ITGA1: variants seen among roughly 807,000 people sequenced by gnomAD.
ITGA1 encodes the protein integrin subunit alpha 1, also known as integrin alpha-1.
In ITGA1, 85 loss-of-function variants were observed where a neutral mutation model predicts 145.9. The ratio of observed to expected loss-of-function variants is 0.58; its 90% confidence interval spans 0.49 to 0.70. The LOEUF is 0.70. ITGA1 is among the 30% of genes least tolerant of loss of function. The probability of loss-of-function intolerance (pLI) is 0.00; values close to 1 mark genes in which losing one functional copy is unlikely to be tolerated. For missense variants in ITGA1, 1,351 were observed against 1,418.7 expected (o/e 0.95, Z 0.77); for synonymous variants, 520 against 495.3 (o/e 1.05, Z -0.66).
intron 12 of ITGA1, among the ~76,000 whole-genome samples, chr5:52,907,723 CA>C (rs1165625874): frequency 1.3e-5 from 2 of 151,946 alleles, no homozygotes; most frequent in Non-Finnish European, 2.9e-5. Flanking sequence ...AGCTGCTGGG[CA>C]AAAAAACACA....
chr5:52,833,691 T>A, intron 1 of ITGA1, among the ~76,000 whole-genome samples: 1 of 152,162 alleles, frequency 6.6e-6, no homozygotes, highest in East Asian at 1.9e-4. Context: ...TAGAACAAGG[T>A]TATTTTGTTG....
chr5:52,800,886 G>A, intron 1 of ITGA1: 5 of 1,613,146 alleles, frequency 3.1e-6, no homozygotes, highest in Non-Finnish European at 4.2e-6. Flanking sequence ...CCAAGGTGGA[G>A]GTGAACATCC....
intron 2 of ITGA1, among the ~76,000 whole-genome samples, chr5:52,854,209 G>A (rs1172676243): frequency 6.6e-6 from 1 of 152,098 alleles, no homozygotes; most frequent in Non-Finnish European, 1.5e-5. Flanking sequence ...CCAGGTCAGG[G>A]TACCAATGGG....
intron 6 of ITGA1, among the ~76,000 whole-genome samples, chr5:52,872,593 T>TTTTTTTTTTTTTTTTTTTTTTTTTTG (rs1749794767): frequency 6.7e-6 from 1 of 148,906 alleles, no homozygotes. Flanking sequence ...TTTTTTTTTT[T>TTTTTTTTTTTTTTTTTTTTTTTTTTG]GTGGGTGGAG....
chr5:52,829,758 AT>A (rs918966182), intron 1 of ITGA1, among the ~76,000 whole-genome samples: 1 of 152,140 alleles, frequency 6.6e-6, no homozygotes, highest in African/African-American at 2.4e-5. Context: ...TCCAGAAGAC[AT>A]TTTTTTGTGT....
At chr5:52,801,353 G>T in intron 1 of ITGA1, 2 of 1,444,636 alleles carry the variant, frequency 1.4e-6, no homozygotes, top group South Asian at 2.5e-5. Context: ...TTTGTGAGCT[G>T]ATTAATGGGT....
At chr5:52,936,972 A>G (rs1750974089) in intron 23 of ITGA1, among the ~76,000 whole-genome samples, 1 of 152,024 alleles carries the variant, frequency 6.6e-6, no homozygotes, top group Middle Eastern at 3.2e-3. Context: ...AATTATGGCA[A>G]ACTGGGTAAA....
At chr5:52,802,373 A>G (rs915631638) in intron 1 of ITGA1, 1 of 152,194 alleles carries the variant, frequency 6.6e-6, no homozygotes, top group Admixed American at 6.5e-5. Context: ...CAATTAGTAG[A>G]CTTGAAGACA....
chr5:52,854,329 T>A (rs1442732131), intron 2 of ITGA1, among the ~76,000 whole-genome samples: 4 of 152,198 alleles, frequency 2.6e-5, no homozygotes, highest in African/African-American at 9.6e-5. Flanking sequence ...TTTAAGGGTT[T>A]ACACAATTTT....
chr5:52,819,575 T>A (rs1039621956), intron 1 of ITGA1, among the ~76,000 whole-genome samples: 126 of 152,166 alleles, frequency 8.3e-4, no homozygotes, highest in African/African-American at 3.0e-3. Context: ...AGATTGCAAA[T>A]ATTTTCTCCC....
Position 52,953,430 on chromosome 5 carries a change from C to T in ITGA1, c.*979C>T, listed in dbSNP as rs945454584. 4 of 152,192 alleles carry T rather than the reference C, an allele frequency of 2.6e-5. No individual in the cohort carries two copies. The highest frequency in any genetic ancestry group is 9.7e-5 in the African/African-American group (4 of 41,446). The allele number at this position is 152,192 out of a possible 1,614,324, so 9.4% of individuals were successfully genotyped here. ...TCAACTCCTTGGTACAGGGTTCATT[C>T]AAACCCCCAAGCTGTGAGAGTGTGT... On this transcript the variant is annotated 3_prime_UTR_variant, in exon 29 of 29. Transcript: ENST00000282588.
chr5:52,894,827 A>C lies in ITGA1; in HGVS notation c.1090+987A>C, dbSNP rs531834924. On this transcript the variant is annotated intron_variant, in intron 9 of 28. Transcript: ENST00000282588. ...AAAATGGGAATGAGACACAACTGAA[A>C]AAAAGTAGACCATTTTGATTGAGCG... is the stretch of plus-strand genomic sequence containing the variant. Among the ~76,000 whole-genome samples, 9 of 152,294 alleles carry C rather than the reference A, an allele frequency of 5.9e-5. No individual in the cohort carries two copies. In the East Asian group the frequency reaches 1.7e-3, roughly 29 times the overall value.
At chr5:52,949,178 G>T (rs1751180035) in intron 28 of ITGA1, among the ~76,000 whole-genome samples, 1 of 152,150 alleles carries the variant, frequency 6.6e-6, no homozygotes, top group African/African-American at 2.4e-5. Context: ...TAAGGTAGAA[G>T]GGAAGAAACT....
intron 23 of ITGA1, among the ~76,000 whole-genome samples, chr5:52,936,714 G>T (rs1308244988): frequency 6.6e-6 from 1 of 152,184 alleles, no homozygotes; most frequent in East Asian, 1.9e-4. Flanking sequence ...CTTTCCCTCT[G>T]AGCTACACTC....
At chr5:52,877,431 A>T (rs1749885444) in intron 6 of ITGA1, among the ~76,000 whole-genome samples, 1 of 152,152 alleles carries the variant, frequency 6.6e-6, no homozygotes, top group Admixed American at 6.5e-5. Flanking sequence ...ACTAGATAAA[A>T]CAGGGATGAG....
rs1366116910 is a variant in ITGA1 at position 52,959,081 on chromosome 5, T to C, written c.*6630T>C. On this transcript the variant is annotated 3_prime_UTR_variant, in exon 29 of 29. Transcript: ENST00000282588. ...ATGTATGGCATATCCTGTACACCAA[T>C]TGAAGGTCAGAGCTTTGGTATTTTT... 1.3e-5 allele frequency: 2 copies of C among 152,196 alleles called. No homozygotes were observed. Among genetic ancestry groups the C allele is most frequent in the African/African-American group, 2.4e-5 (1 of 41,460 alleles). The allele number at this position is 152,196 out of a possible 1,614,324, so 9.4% of individuals were successfully genotyped here. A position where few individuals can be genotyped will look rare whatever the true frequency, so the allele number is the denominator to read the frequency against.
chr5:52,915,741 G>T (rs999183737), intron 15 of ITGA1, 147 bp downstream of exon 15: 1 of 935,818 alleles, frequency 1.1e-6, no homozygotes. Context: ...TGAGCTGGAA[G>T]AGTCAATACA....
chr5:52,799,980 T>C (rs977104308), intron 1 of ITGA1: 1 of 236,640 alleles, frequency 4.2e-6, no homozygotes, highest in Non-Finnish European at 8.5e-6. Context: ...AGTTCATTCG[T>C]CCGGAGCGCC....
At chr5:52,797,160 C>T (rs1455954531) in intron 1 of ITGA1, among the ~76,000 whole-genome samples, 1 of 151,766 alleles carries the variant, frequency 6.6e-6, no homozygotes, top group Non-Finnish European at 1.5e-5. Flanking sequence ...TAATAGTCAA[C>T]TACAGGCTTA....
Sources: allele counts gnomAD v4.1 joint callset (sites outside exome capture counted in the v4.1 genomes callset), GRCh38; gene constraint gnomAD v4.1.1; transcripts MANE v1.5; gene names NCBI Gene and HGNC (gene_info 2026-07-23, HGNC 2026-07-21).